The following TCF4 variants were observed in gnomAD, a reference collection of about 807,000 sequenced individuals.
TCF4 encodes transcription factor 4.
In TCF4, 3 loss-of-function variants were observed where a neutral mutation model predicts 82.1. That is an observed-to-expected ratio of 0.04 (90% CI 0.02 to 0.09). The LOEUF (loss-of-function observed/expected upper bound fraction) is 0.09, where lower values mean the gene tolerates loss of function less well. Among genes scored for constraint, TCF4 ranks in the 10% least tolerant of loss-of-function variants. The probability of loss-of-function intolerance (pLI) is 1.00; values close to 1 mark genes in which losing one functional copy is unlikely to be tolerated. For missense variants in TCF4, 518 were observed against 852.7 expected (o/e 0.61, Z 4.89); for synonymous variants, 276 against 309.6 (o/e 0.89, Z 1.14).
chr18:55,320,989 G>A (rs77452859), intron 8 of TCF4: 8,771 of 152,640 alleles, frequency 0.057, 375 homozygotes, highest in South Asian at 0.17. Flanking sequence ...GGAAGGGGGG[G>A]AAATTGAGGG....
At chr18:55,453,094 T>G (rs73479257) in intron 5 of TCF4, among the ~76,000 whole-genome samples, 9,448 of 152,214 alleles carry the variant, frequency 0.062, 442 homozygotes, top group African/African-American at 0.13. Flanking sequence ...CCTGTCTATT[T>G]CCCAGGCTGC....
chr18:55,382,504 G>C (rs1309388605), intron 6 of TCF4, among the ~76,000 whole-genome samples: 3 of 152,042 alleles, frequency 2.0e-5, no homozygotes, highest in Non-Finnish European at 2.9e-5. Flanking sequence ...AAAAGTCTTA[G>C]AATTAATTAA....
At chr18:55,618,051 A>T (rs1290080763) in intron 2 of TCF4, among the ~76,000 whole-genome samples, 1 of 152,120 alleles carries the variant, frequency 6.6e-6, no homozygotes, top group Non-Finnish European at 1.5e-5. Flanking sequence ...GTTTTCAGTT[A>T]TTCGCCATTG....
At position 55,452,173 on chromosome 18, in the gene TCF4, A is replaced by G. The variant is rs139257852; in HGVS notation, c.304+8846T>C. Among the ~76,000 whole-genome samples the G allele has an allele frequency of 2.8e-4, 42 of 152,292 alleles. 1 individual carries two copies. The highest frequency in any genetic ancestry group is 5.9e-4 in the Admixed American group (9 of 15,306). On this transcript the variant is annotated intron_variant, in intron 5 of 19. Coordinates refer to ENST00000354452, the MANE Select transcript of TCF4 (RefSeq NM_001083962.2). ...TCTGTTCCAATGGGTCTGATTCATGACATGAGACTGTTCAATAGGGTTGGG... is the reference window on the plus strand; with the variant it reads ...TCTGTTCCAATGGGTCTGATTCATGGCATGAGACTGTTCAATAGGGTTGGG...
chr18:55,330,796 T>C (rs528988210), intron 8 of TCF4, among the ~76,000 whole-genome samples: 3 of 152,164 alleles, frequency 2.0e-5, no homozygotes, highest in Non-Finnish European at 2.9e-5. Flanking sequence ...CTTGAACTCC[T>C]GACCTCGTGA....
chr18:55,313,082 A>C (rs1169609653), intron 8 of TCF4, among the ~76,000 whole-genome samples: 1 of 152,158 alleles, frequency 6.6e-6, no homozygotes, highest in South Asian at 2.1e-4. Flanking sequence ...TATTGGCTTT[A>C]AAATAAAATC....
At chr18:55,444,928 CCT>C (rs1419480298) in intron 5 of TCF4, among the ~76,000 whole-genome samples, 3 of 152,196 alleles carry the variant, frequency 2.0e-5, no homozygotes, top group Non-Finnish European at 4.4e-5. Context: ...ACGACCCCTG[CCT>C]TGCCCATCAG....
chr18:55,619,266 A>T (rs1256564702), intron 2 of TCF4, among the ~76,000 whole-genome samples: 1 of 152,114 alleles, frequency 6.6e-6, no homozygotes, highest in Non-Finnish European at 1.5e-5. Context: ...AGCATTGGTC[A>T]TTTGTAACTT....
At position 55,225,658 on chromosome 18, in the gene TCF4, G is replaced by A. The variant is rs2046497822; in HGVS notation, c.*2377C>T. The A allele has an allele frequency of 6.6e-6, 1 of 152,530 alleles. No individual in the cohort carries two copies. 9.4% of individuals were successfully genotyped at this position (152,530 alleles called of 1,614,324 possible). ...AATACACATGGTTTTCATTATTCAG[G>A]GAGGAGGAGAGAGTATACATTATTG... is the stretch of plus-strand genomic sequence containing the variant. On this transcript the variant is annotated 3_prime_UTR_variant, in exon 20 of 20. Coordinates refer to ENST00000354452, the MANE Select transcript of TCF4 (RefSeq NM_001083962.2).
At chr18:55,342,102 T>G (rs1360907491) in intron 8 of TCF4, among the ~76,000 whole-genome samples, 1 of 152,170 alleles carries the variant, frequency 6.6e-6, no homozygotes, top group Non-Finnish European at 1.5e-5. Flanking sequence ...TGAACATGCT[T>G]TTTTCCCCTT....
At chr18:55,329,949 T>C (rs1024271308) in intron 8 of TCF4, among the ~76,000 whole-genome samples, 1 of 152,188 alleles carries the variant, frequency 6.6e-6, no homozygotes, top group Non-Finnish European at 1.5e-5. Context: ...TTCCCTCTAG[T>C]TGAAGATATC....
chr18:55,432,467 A>G (rs1175349718), intron 5 of TCF4, among the ~76,000 whole-genome samples: 2 of 152,174 alleles, frequency 1.3e-5, no homozygotes, highest in African/African-American at 2.4e-5. Context: ...ACTTTACCCT[A>G]TACAACCTTG....
chr18:55,261,587 T>A, intron 11 of TCF4, 54 bp from the exon 12 acceptor site: 1 of 1,589,364 alleles, frequency 6.3e-7, no homozygotes, highest in Non-Finnish European at 8.6e-7. Flanking sequence ...GTCTAACAAT[T>A]TTCTATTCCT....
chr18:55,572,335 A>G (rs983034174), intron 3 of TCF4, among the ~76,000 whole-genome samples: 2 of 152,240 alleles, frequency 1.3e-5, no homozygotes, highest in African/African-American at 4.8e-5. Flanking sequence ...AAGAATGGTG[A>G]TATTTTTCCT....
intron 8 of TCF4, among the ~76,000 whole-genome samples, chr18:55,315,137 A>AT (rs2073780882): frequency 2.6e-5 from 4 of 151,826 alleles, no homozygotes; most frequent in African/African-American, 4.8e-5. Flanking sequence ...CAAAGCCTGC[A>AT]TTTTTTTTGG....
chr18:55,380,336 G>C (rs2091678456), intron 6 of TCF4, among the ~76,000 whole-genome samples: 1 of 151,696 alleles, frequency 6.6e-6, no homozygotes, highest in South Asian at 2.1e-4. Flanking sequence ...TTGTTACATG[G>C]GTATACACGT....
At chr18:55,268,612 A>G (rs1600817897) in intron 11 of TCF4, 1 of 152,138 alleles carries the variant, frequency 6.6e-6, no homozygotes, top group East Asian at 1.9e-4. Flanking sequence ...AGTGTGAGAT[A>G]TATTATTGAA....
At chr18:55,549,433 A>G (rs770073900) in intron 3 of TCF4, among the ~76,000 whole-genome samples, 1 of 152,232 alleles carries the variant, frequency 6.6e-6, no homozygotes, top group Non-Finnish European at 1.5e-5. Context: ...ACTTAGCTGA[A>G]AACAAAACAT....
At chr18:55,308,385 T>C (rs142214556) in intron 8 of TCF4, among the ~76,000 whole-genome samples, 22 of 152,322 alleles carry the variant, frequency 1.4e-4, no homozygotes, top group Non-Finnish European at 2.9e-4. Context: ...TTGAACCCAA[T>C]TTAACTTTTG....
Sources: gnomAD v4.1 joint callset for allele counts (sites outside exome capture counted in the v4.1 genomes callset) on GRCh38, gnomAD v4.1.1 for gene constraint, MANE v1.5 for transcripts, NCBI Gene and HGNC (gene_info 2026-07-23, HGNC 2026-07-21) for gene names.